The following CADPS2 variants were observed in gnomAD, a reference collection of about 807,000 sequenced individuals.
The protein encoded by CADPS2 is calcium-dependent secretion activator 2.
In CADPS2, 93 loss-of-function variants were observed where a neutral mutation model predicts 172.5. That is an observed-to-expected ratio of 0.54 (90% CI 0.46 to 0.64). The LOEUF is 0.64. Among genes scored for constraint, CADPS2 ranks in the 30% least tolerant of loss-of-function variants. The pLI, the probability that CADPS2 is intolerant of heterozygous loss-of-function variation, is 0.00. For synonymous variants in CADPS2, 546 were observed against 555.2 expected, an observed-to-expected ratio of 0.98 and a Z score of 0.23; for missense variants, 1,420 against 1,565.9, an observed-to-expected ratio of 0.91 and a Z score of 1.57.
Position 122,369,423 on chromosome 7 carries a change from G to A in CADPS2, c.3388-8410C>T, listed in dbSNP as rs185748845. Among the ~76,000 whole-genome samples, 398 of 152,142 alleles carry A rather than the reference G, an allele frequency of 2.6e-3. 1 individual carries two copies. Among genetic ancestry groups the A allele is most frequent in the South Asian group, 8.5e-3 (41 of 4,808 alleles). ...TGGGATTACAGGCGTGAGCCACTGC[G>A]CCCAGTCTTCCCCTTTCTTTTAAGG... On this transcript the variant is annotated intron_variant, in intron 25 of 29. Coordinates refer to ENST00000449022, the MANE Select transcript of CADPS2 (RefSeq NM_017954.11).
chr7:122,361,147 T>C (rs2040069285), intron 25 of CADPS2, 134 bp from the exon 26 acceptor site: 1 of 669,612 alleles, frequency 1.5e-6, no homozygotes, highest in Non-Finnish European at 2.6e-6. Flanking sequence ...GAGGTCAGAC[T>C]AACTTGTGAT....
chr7:122,551,401 G>C (rs907772952), intron 8 of CADPS2, among the ~76,000 whole-genome samples: 2 of 151,984 alleles, frequency 1.3e-5, no homozygotes, highest in East Asian at 3.9e-4. Context: ...AATTCAAATA[G>C]GTCTAAGAAA....
At chr7:122,794,855 T>C (rs1369283476) in intron 1 of CADPS2, among the ~76,000 whole-genome samples, 3 of 151,810 alleles carry the variant, frequency 2.0e-5, no homozygotes, top group Non-Finnish European at 4.4e-5. Context: ...TTGAATCAAC[T>C]GCTCCTGAAT....
At chr7:122,670,026 C>T (rs899258614) in intron 2 of CADPS2, among the ~76,000 whole-genome samples, 3 of 151,856 alleles carry the variant, frequency 2.0e-5, no homozygotes, top group Admixed American at 1.3e-4. Flanking sequence ...CTCTCAGGCC[C>T]TTCTTCACCT....
chr7:122,475,962 T>C (rs1353201934), intron 12 of CADPS2, among the ~76,000 whole-genome samples: 1 of 152,176 alleles, frequency 6.6e-6, no homozygotes, highest in Non-Finnish European at 1.5e-5. Flanking sequence ...TTTCCTGAAC[T>C]AATATACAAT....
chr7:122,734,256 G>A (rs555834158), intron 2 of CADPS2, among the ~76,000 whole-genome samples: 1 of 142,680 alleles, frequency 7.0e-6, no homozygotes, highest in South Asian at 2.2e-4. Flanking sequence ...TAATTTCTCT[G>A]ATGTCTGAGA....
At chr7:122,513,186 A>G in intron 9 of CADPS2, 63 bp downstream of exon 9, 1 of 1,122,488 alleles carries the variant, frequency 8.9e-7, no homozygotes, top group Admixed American at 2.1e-5. Context: ...GATATAACCC[A>G]CATAAACAAA....
At chr7:122,642,336 C>G (rs2077751644) in intron 3 of CADPS2, among the ~76,000 whole-genome samples, 1 of 151,280 alleles carries the variant, frequency 6.6e-6, no homozygotes. Context: ...ATTAGTCTTG[C>G]CTTACAAATA....
chr7:122,707,902 T>C (rs2087856364), intron 2 of CADPS2, among the ~76,000 whole-genome samples: 1 of 151,754 alleles, frequency 6.6e-6, no homozygotes, highest in Non-Finnish European at 1.5e-5. Flanking sequence ...AACTAGTTTA[T>C]ATAAAGGCAT....
rs140377714 is a variant in CADPS2 at position 122,763,052 on chromosome 7, G to T, written c.340-25984C>A. Reference sequence around the variant, plus strand: ...CACACACACACAGATATGTTTCTTGGATATGATCAACTTTGTGGAAGGCTG... The same window carrying T: ...CACACACACACAGATATGTTTCTTGTATATGATCAACTTTGTGGAAGGCTG... On this transcript the variant is annotated intron_variant, in intron 1 of 29. Transcript: ENST00000449022. Among the ~76,000 whole-genome samples the T allele has an allele frequency of 3.5e-4, 53 of 152,188 alleles. 1 individual carries two copies. The highest frequency in any genetic ancestry group is 6.6e-4 in the Non-Finnish European group (45 of 67,984).
chr7:122,828,742 T>C (rs141589558), intron 1 of CADPS2, among the ~76,000 whole-genome samples: 8 of 152,316 alleles, frequency 5.3e-5, no homozygotes, highest in Admixed American at 4.6e-4. Context: ...CTTTGCCTTC[T>C]TTCATCTGAG....
At chr7:122,581,860 T>C (rs1465915877) in intron 6 of CADPS2, among the ~76,000 whole-genome samples, 1 of 152,142 alleles carries the variant, frequency 6.6e-6, no homozygotes, top group Non-Finnish European at 1.5e-5. Context: ...AATTTCCCAC[T>C]ACATTCTCTT....
At position 122,550,684 on chromosome 7, in the gene CADPS2, GT is replaced by G. The variant is rs570123375; in HGVS notation, c.1475+3865del. On this transcript the variant is annotated intron_variant, in intron 8 of 29. Coordinates refer to ENST00000449022, the MANE Select transcript of CADPS2 (RefSeq NM_017954.11). ...ACAGGAATAGTTATTTGAGTTTTAA[GT>G]TAATACTGTTACTTAGCCACTAGGC... 9.8e-4 allele frequency among the ~76,000 whole-genome samples: 149 copies of G among 152,236 alleles called. 1 individual carries two copies. Among genetic ancestry groups the G allele is most frequent in the African/African-American group, 3.3e-3 (136 of 41,558 alleles).
At chr7:122,806,441 T>C (rs889658956) in intron 1 of CADPS2, among the ~76,000 whole-genome samples, 2 of 152,218 alleles carry the variant, frequency 1.3e-5, no homozygotes, top group African/African-American at 4.8e-5. Context: ...CAATTAATTA[T>C]CTCTTTAGTT....
At chr7:122,797,766 T>C (rs929502794) in intron 1 of CADPS2, among the ~76,000 whole-genome samples, 4 of 152,088 alleles carry the variant, frequency 2.6e-5, no homozygotes, top group Non-Finnish European at 4.4e-5. Flanking sequence ...TAACAGGTAC[T>C]AGGAATAATA....
intron 1 of CADPS2, among the ~76,000 whole-genome samples, chr7:122,771,295 A>T (rs2093697349): frequency 6.6e-6 from 1 of 152,210 alleles, no homozygotes; most frequent in South Asian, 2.1e-4. Flanking sequence ...AATCTTTCAG[A>T]GAGAACACTC....
At chr7:122,554,422 G>T in intron 8 of CADPS2, 128 bp downstream of exon 8, 1 of 851,210 alleles carries the variant, frequency 1.2e-6, no homozygotes, top group Non-Finnish European at 1.8e-6. Flanking sequence ...GATAACTTAC[G>T]TATGTCACTT....
chr7:122,741,196 A>G (rs1219293384), intron 1 of CADPS2, among the ~76,000 whole-genome samples: 1 of 152,172 alleles, frequency 6.6e-6, no homozygotes, highest in Non-Finnish European at 1.5e-5. Flanking sequence ...AAATATTTTA[A>G]AAATATCTTG....
intron 28 of CADPS2, among the ~76,000 whole-genome samples, chr7:122,336,151 T>C (rs886236737): frequency 3.3e-5 from 5 of 152,202 alleles, no homozygotes; most frequent in Non-Finnish European, 7.3e-5. Context: ...CATTCAATAA[T>C]CACATGTAAT....
Sources: gnomAD v4.1 joint callset for allele counts (sites outside exome capture counted in the v4.1 genomes callset) on GRCh38, gnomAD v4.1.1 for gene constraint, MANE v1.5 for transcripts, NCBI Gene and HGNC (gene_info 2026-07-23, HGNC 2026-07-21) for gene names.